The following REDIC1 variants were observed in gnomAD, a reference collection of about 807,000 sequenced individuals.
REDIC1 encodes the protein HEI10 Interacting Protein 1.
At chr12:39,714,391 ATATATG>A in the REDIC1 span, among the ~76,000 whole-genome samples, 68 of 52,960 alleles carry the variant, frequency 1.3e-3, 2 homozygotes, top group African/African-American at 2.9e-3. Flanking sequence ...GTGTATATGT[ATATATG>A]TATATATATG....
the REDIC1 span, among the ~76,000 whole-genome samples, chr12:39,907,042 A>C: frequency 6.6e-6 from 1 of 152,156 alleles, no homozygotes; most frequent in Admixed American, 6.6e-5. Flanking sequence ...ATGCAAATTA[A>C]CCCATAAATC....
the REDIC1 span, among the ~76,000 whole-genome samples, chr12:39,750,365 A>T: frequency 0.013 from 1,965 of 152,328 alleles, 13 homozygotes; most frequent in Middle Eastern, 0.031. Context: ...AAGGGATGTG[A>T]AGGACCTCTT....
the REDIC1 span, among the ~76,000 whole-genome samples, chr12:39,841,492 A>C: frequency 6.6e-6 from 1 of 152,238 alleles, no homozygotes; most frequent in Non-Finnish European, 1.5e-5. Context: ...ATGTTTGATC[A>C]ACATAGTTAA....
the REDIC1 span, among the ~76,000 whole-genome samples, chr12:39,731,234 G>A: frequency 5.3e-5 from 8 of 152,140 alleles, no homozygotes; most frequent in Non-Finnish European, 1.2e-4. Flanking sequence ...GAGAAGAGGT[G>A]TTCTGGTTTT....
the REDIC1 span, among the ~76,000 whole-genome samples, chr12:39,751,803 C>CA: frequency 1.8e-4 from 28 of 152,096 alleles, no homozygotes; most frequent in African/African-American, 6.3e-4. Context: ...ATCACAAGGA[C>CA]AAAAAACCAA....
chr12:39,894,214 AG>A, the REDIC1 span, among the ~76,000 whole-genome samples: 1,914 of 152,356 alleles, frequency 0.013, 20 homozygotes, highest in Middle Eastern at 0.068. Flanking sequence ...AGTGTCTTCA[AG>A]TTGTCCTTAG....
At chr12:39,651,214 A>C in the REDIC1 span, among the ~76,000 whole-genome samples, 1 of 152,220 alleles carries the variant, frequency 6.6e-6, no homozygotes, top group African/African-American at 2.4e-5. Flanking sequence ...GTTAAAAGTT[A>C]TAAGAATGTA....
the REDIC1 span, among the ~76,000 whole-genome samples, chr12:39,804,078 T>C: frequency 6.6e-6 from 1 of 151,892 alleles, no homozygotes; most frequent in Admixed American, 6.6e-5. Flanking sequence ...TGTGTGTAAA[T>C]GTAAACACAC....
chr12:39,642,598 C>T, the REDIC1 span, among the ~76,000 whole-genome samples: 1 of 151,710 alleles, frequency 6.6e-6, no homozygotes, highest in Non-Finnish European at 1.5e-5. Context: ...GAACTAACAA[C>T]TTCTTAATTC....
the REDIC1 span, among the ~76,000 whole-genome samples, chr12:39,727,965 G>C: frequency 6.6e-6 from 1 of 152,086 alleles, no homozygotes; most frequent in Non-Finnish European, 1.5e-5. Flanking sequence ...GTCTATTATT[G>C]GTGTACAGGA....
At chr12:39,682,265 A>T in the REDIC1 span, among the ~76,000 whole-genome samples, 22 of 152,240 alleles carry the variant, frequency 1.4e-4, no homozygotes, top group Non-Finnish European at 1.0e-4. Context: ...CTCTGGTTAA[A>T]TGGAACAGCA....
the REDIC1 span, chr12:39,647,020 C>A: frequency 1.8e-6 from 1 of 558,734 alleles, no homozygotes; most frequent in Non-Finnish European, 3.0e-6. Flanking sequence ...TAAAAGCTTT[C>A]CAGGTGAGAA....
the REDIC1 span, among the ~76,000 whole-genome samples, chr12:39,889,712 T>C: frequency 1.1e-4 from 17 of 152,068 alleles, no homozygotes; most frequent in East Asian, 3.3e-3. Context: ...TTTGTATTTT[T>C]AGAGAGACGG....
chr12:39,678,549 A>G, the REDIC1 span, among the ~76,000 whole-genome samples: 1 of 151,254 alleles, frequency 6.6e-6, no homozygotes, highest in Non-Finnish European at 1.5e-5. Context: ...AAATTATTCC[A>G]AAAGATAAAG....
At chr12:39,701,007 A>C in the REDIC1 span, among the ~76,000 whole-genome samples, 2 of 152,090 alleles carry the variant, frequency 1.3e-5, no homozygotes, top group African/African-American at 4.8e-5. Context: ...GACCATCGAG[A>C]CTAGGAAGAA....
At chr12:39,726,975 T>C in the REDIC1 span, among the ~76,000 whole-genome samples, 1 of 152,232 alleles carries the variant, frequency 6.6e-6, no homozygotes, top group Non-Finnish European at 1.5e-5. Context: ...TTGAGAAGTG[T>C]CTGTTCATAT....
At chr12:39,893,152 A>G in the REDIC1 span, among the ~76,000 whole-genome samples, 524 of 152,346 alleles carry the variant, frequency 3.4e-3, 3 homozygotes, top group African/African-American at 0.012. Context: ...AAAAATAAGA[A>G]AGCAACAACA....
At chr12:39,864,715 A>G in the REDIC1 span, 1 of 1,597,158 alleles carries the variant, frequency 6.3e-7, no homozygotes, top group Non-Finnish European at 8.5e-7. Flanking sequence ...GCAAGCAAAA[A>G]AGTTACCAGA....
the REDIC1 span, among the ~76,000 whole-genome samples, chr12:39,760,973 C>CACACACACACACACACACACACACACAT: frequency 3.1e-4 from 47 of 151,326 alleles, 3 homozygotes; most frequent in South Asian, 7.2e-3. Context: ...CACACACACA[C>CACACACACACACACACACACACACACAT]ATAATTGAAT....
Sources: gnomAD v4.1 joint callset for allele counts (sites outside exome capture counted in the v4.1 genomes callset) on GRCh38, gnomAD v4.1.1 for gene constraint, MANE v1.5 for transcripts, NCBI Gene and HGNC (gene_info 2026-07-23, HGNC 2026-07-21) for gene names.